MSI2: variants seen among roughly 807,000 people sequenced by gnomAD.
MSI2 encodes RNA-binding protein Musashi homolog 2.
A neutral mutation model predicts 45.6 loss-of-function variants in MSI2; 17 were observed. The ratio of observed to expected loss-of-function variants is 0.37; its 90% CI spans 0.26 to 0.56. MSI2 has a LOEUF of 0.56. Among genes scored for constraint, MSI2 ranks in the 20% least tolerant of loss-of-function variants. The pLI, the probability that MSI2 is intolerant of heterozygous loss-of-function variation, is 0.77. For missense variants in MSI2, 293 were observed against 444.2 expected (o/e 0.66, Z 3.06); for synonymous variants, 156 against 158.2 (o/e 0.99, Z 0.11).
At chr17:57,613,076 C>A (rs1048944732) in intron 8 of MSI2, among the ~76,000 whole-genome samples, 1 of 152,164 alleles carries the variant, frequency 6.6e-6, no homozygotes, top group Admixed American at 6.5e-5. Context: ...ACCTTTCCCC[C>A]CTACCTGCAA....
At chr17:57,269,378 T>G (rs1383526336) in intron 5 of MSI2, among the ~76,000 whole-genome samples, 1 of 152,162 alleles carries the variant, frequency 6.6e-6, no homozygotes, top group Admixed American at 6.6e-5. Context: ...TTCAGACCCA[T>G]ATAGAAGCTG....
intron 7 of MSI2, among the ~76,000 whole-genome samples, chr17:57,588,831 A>G (rs1315642220): frequency 6.6e-6 from 1 of 152,166 alleles, no homozygotes; most frequent in African/African-American, 2.4e-5. Context: ...TGAGTATGGA[A>G]CAGTCTGCCT....
At position 57,280,178 on chromosome 17, in the gene MSI2, G is replaced by A. The variant is rs1567732741; in HGVS notation, c.312+17986G>A. On this transcript the variant is annotated intron_variant, in intron 5 of 13. Transcript: ENST00000284073. This position sits in a 1 kb window ranked among gnomAD's most constrained non-coding sequence, Gnocchi z 4.2. The stretch of plus-strand genomic sequence containing the variant: ...AGAGAGTGAGGAGGACAGGGGGACA[G>A]GCGAGGTCACACTTGCGTTGGCGGG... 6.6e-6 allele frequency among the ~76,000 whole-genome samples: 1 copy of A among 152,142 alleles called. No individual in the cohort carries two copies. Among genetic ancestry groups the A allele is most frequent in the Non-Finnish European group, 1.5e-5 (1 of 68,032 alleles).
At chr17:57,687,439 T>C (rs1392165735), downstream of MSI2, among the ~76,000 whole-genome samples, 2 of 151,816 alleles carry the variant, frequency 1.3e-5, no homozygotes, top group Non-Finnish European at 2.9e-5. Context: ...ATATACAATA[T>C]GAAGAATATG....
At chr17:57,633,298 C>A in intron 10 of MSI2, 1 of 558,728 alleles carries the variant, frequency 1.8e-6, no homozygotes, top group Non-Finnish European at 2.3e-6. Flanking sequence ...TAAAAGCATG[C>A]GAACTCCCCC....
At chr17:57,271,149 C>T (rs1908319774) in intron 5 of MSI2, among the ~76,000 whole-genome samples, 1 of 152,144 alleles carries the variant, frequency 6.6e-6, no homozygotes, top group Non-Finnish European at 1.5e-5. Flanking sequence ...GGTAGCTCTA[C>T]CAATGACTGA....
intron 10 of MSI2, among the ~76,000 whole-genome samples, chr17:57,639,629 G>A (rs777124374): frequency 3.9e-5 from 6 of 152,244 alleles, no homozygotes; most frequent in Non-Finnish European, 5.9e-5. Context: ...AGAGGCAAGT[G>A]TAGCCTCCTG....
intron 5 of MSI2, among the ~76,000 whole-genome samples, chr17:57,305,986 C>T (rs1015294385): frequency 2.0e-5 from 3 of 152,150 alleles, no homozygotes; most frequent in Admixed American, 6.5e-5. Context: ...ATTCATTCAA[C>T]ACATATTTAT....
Position 57,431,469 on chromosome 17 carries a change from T to A in MSI2, c.405+29998T>A, listed in dbSNP as rs183841589. 1.1e-3 allele frequency among the ~76,000 whole-genome samples: 172 copies of A among 152,264 alleles called. 1 individual carries two copies. The highest frequency in any genetic ancestry group is 3.7e-3 in the African/African-American group (155 of 41,540). ...TGAATTTACAGGGAGAGGCAGGTGG[T>A]AGGTTTGGGGGTCCCAAGGCCAGCT... is the stretch of plus-strand genomic sequence containing the variant. On this transcript the variant is annotated intron_variant, in intron 6 of 13. Transcript: ENST00000284073.
chr17:57,563,383 G>C (rs1318952430), intron 7 of MSI2, among the ~76,000 whole-genome samples: 1 of 152,010 alleles, frequency 6.6e-6, no homozygotes, highest in Admixed American at 6.6e-5. Flanking sequence ...CCCTACACTT[G>C]GGGACCATTT....
At chr17:57,350,225 GGTGTGTGTGTGT>G (rs58596259) in intron 5 of MSI2, among the ~76,000 whole-genome samples, 1 of 146,638 alleles carries the variant, frequency 6.8e-6, no homozygotes, top group South Asian at 2.2e-4. Context: ...CAGAGGTAGG[GGTGTGTGTGTGT>G]GTGTGTGTGT....
chr17:57,519,112 T>C (rs2086531073), intron 6 of MSI2, among the ~76,000 whole-genome samples: 2 of 152,204 alleles, frequency 1.3e-5, no homozygotes, highest in Admixed American at 6.5e-5. Context: ...CTGCCTTCCC[T>C]GGCTTAGTCT....
intron 5 of MSI2, among the ~76,000 whole-genome samples, chr17:57,377,475 T>C (rs993503873): frequency 1.3e-5 from 2 of 152,212 alleles, no homozygotes; most frequent in African/African-American, 2.4e-5. Context: ...GCAGGGATTC[T>C]CCACAGTTCA....
intron 6 of MSI2, among the ~76,000 whole-genome samples, chr17:57,457,032 G>A (rs761054158): frequency 1.3e-5 from 2 of 152,222 alleles, no homozygotes; most frequent in Non-Finnish European, 1.5e-5. Context: ...AAGGCCTAGA[G>A]TTTTAATGTG....
At chr17:57,545,931 G>A (rs750429058) in intron 7 of MSI2, among the ~76,000 whole-genome samples, 1 of 151,918 alleles carries the variant, frequency 6.6e-6, no homozygotes, top group South Asian at 2.1e-4. Context: ...GTGAAGACCT[G>A]GTATTTATTG....
chr17:57,300,723 G>A (rs998772737), intron 5 of MSI2, among the ~76,000 whole-genome samples: 6 of 152,182 alleles, frequency 3.9e-5, no homozygotes, highest in African/African-American at 1.4e-4. Context: ...CAATCATGGT[G>A]GAAGGCGACA....
At chr17:57,441,749 G>GCTTA (rs1215244844) in intron 6 of MSI2, among the ~76,000 whole-genome samples, 1 of 152,112 alleles carries the variant, frequency 6.6e-6, no homozygotes, top group Non-Finnish European at 1.5e-5. Flanking sequence ...AGCCTCATAA[G>GCTTA]GGACATTATG....
intron 6 of MSI2, among the ~76,000 whole-genome samples, chr17:57,461,144 G>T (rs1271148945): frequency 1.3e-5 from 2 of 152,142 alleles, no homozygotes; most frequent in Admixed American, 6.5e-5. Context: ...TGCCCATGGG[G>T]TCTGCCGGCT....
At position 57,623,538 on chromosome 17, in the gene MSI2, A is replaced by G. The variant is rs543322416; in HGVS notation, c.653-3691A>G. Among the ~76,000 whole-genome samples the G allele has an allele frequency of 1.1e-4, 16 of 152,366 alleles. No homozygotes were observed. The East Asian group carries it at 3.1e-3, about 29-fold the overall frequency. On this transcript the variant is annotated intron_variant, in intron 9 of 13. Coordinates refer to ENST00000284073, the MANE Select transcript of MSI2 (RefSeq NM_138962.4). ...TGATTTCTGTATTTTTGCTTCTGCA[A>G]TGGAAAGCCGATCTGCAAGAGAGGT...
Sources: allele counts gnomAD v4.1 joint callset (sites outside exome capture counted in the v4.1 genomes callset), GRCh38; gene constraint gnomAD v4.1.1; non-coding constraint Gnocchi (gnomAD v3.1); transcripts MANE v1.5; gene names NCBI Gene and HGNC (gene_info 2026-07-23, HGNC 2026-07-21).